NIBAN2: variants seen among roughly 807,000 people sequenced by gnomAD.
NIBAN2 encodes protein Niban 2.
Under a neutral mutation model 81.8 loss-of-function variants are expected in NIBAN2, and 36 were observed. The observed-to-expected ratio is 0.44, with a 90% CI of 0.34 to 0.58. NIBAN2 has a LOEUF of 0.58. Among genes scored for constraint, NIBAN2 ranks in the 20% least tolerant of loss-of-function variants. The pLI is 0.02. For synonymous variants in NIBAN2, 445 were observed against 441.6 expected (o/e 1.01, Z -0.10); for missense variants, 897 against 1,014.1 (o/e 0.88, Z 1.57).
intron 1 of NIBAN2, among the ~76,000 whole-genome samples, chr9:127,541,512 C>T (rs1837379039): frequency 2.0e-5 from 3 of 152,296 alleles, no homozygotes; most frequent in South Asian, 4.1e-4. Context: ...CTCACCCTGG[C>T]CTCCGCAGCA....
rs138238004 is a variant in NIBAN2 at position 127,512,806 on chromosome 9, A to G, written c.974-2473T>C. On this transcript the variant is annotated intron_variant, in intron 8 of 13. Transcript: ENST00000373312. ...AATGAGTACAACCACTATGGAGAAC[A>G]GTTTGGAGGTTCCTCAAAAAACTAA... Among the ~76,000 whole-genome samples, 261 of 152,304 alleles carry G rather than the reference A, an allele frequency of 1.7e-3. 2 individuals are homozygous for G. Among genetic ancestry groups the G allele is most frequent in the African/African-American group, 6.0e-3 (248 of 41,576 alleles).
intron 1 of NIBAN2, among the ~76,000 whole-genome samples, chr9:127,575,329 A>G (rs559137753): frequency 6.6e-6 from 1 of 151,236 alleles, no homozygotes; most frequent in African/African-American, 2.4e-5. Flanking sequence ...CCTGGGTTCA[A>G]GCAATTCTCT....
chr9:127,564,024 G>A (rs1837816739), intron 1 of NIBAN2, among the ~76,000 whole-genome samples: 1 of 151,692 alleles, frequency 6.6e-6, no homozygotes, highest in South Asian at 2.1e-4. Flanking sequence ...AGGGCATGGT[G>A]GCTCACGCCT....
intron 1 of NIBAN2, among the ~76,000 whole-genome samples, chr9:127,549,829 C>T (rs1319524300): frequency 1.3e-5 from 2 of 152,204 alleles, no homozygotes; most frequent in East Asian, 1.9e-4. Context: ...AGGTGCAGGG[C>T]TTGCCCCACC....
At position 127,508,915 on chromosome 9, in the gene NIBAN2, G is replaced by A. The variant is rs1373126034; in HGVS notation, c.1317+61C>T. 8.9e-6 allele frequency: 14 copies of A among 1,576,324 alleles called. 1 individual carries two copies. The highest frequency in any genetic ancestry group is 3.3e-5 in the South Asian group (3 of 90,180). ...ACGGAGCAGAAGGGACCCCCTGGGC[G>A]AGGGGGCCTGTGGAAGGCAGTGGAC... On this transcript the variant is annotated intron_variant, in intron 10 of 13. Transcript: ENST00000373312. The surrounding 1 kb of genome is among the most constrained non-coding windows in gnomAD (Gnocchi z 6.4).
At chr9:127,526,989 G>A (rs1316471157) in intron 3 of NIBAN2, among the ~76,000 whole-genome samples, 1 of 152,134 alleles carries the variant, frequency 6.6e-6, no homozygotes, top group East Asian at 1.9e-4. Context: ...ATATTCCCCA[G>A]AGATGAAGAA....
intron 1 of NIBAN2, chr9:127,561,206 G>T (rs2252730): frequency 0.51 from 500,586 of 984,976 alleles, 128,008 homozygotes; most frequent in African/African-American, 0.61. Context: ...ATACCCCAGG[G>T]GTCCAGGGCC....
At chr9:127,552,689 T>TG (rs111463503) in intron 1 of NIBAN2, among the ~76,000 whole-genome samples, 2,083 of 138,748 alleles carry the variant, frequency 0.015, 47 homozygotes, top group African/African-American at 0.052. Context: ...TATTCGTTTT[T>TG]TTTTTTTTTT....
intron 1 of NIBAN2, among the ~76,000 whole-genome samples, chr9:127,534,915 T>C (rs999809888): frequency 6.6e-6 from 1 of 152,152 alleles, no homozygotes; most frequent in African/African-American, 2.4e-5. Flanking sequence ...ATGGTTGTCA[T>C]CGTCATGGCC....
intron 1 of NIBAN2, among the ~76,000 whole-genome samples, chr9:127,539,266 C>A (rs777559335): frequency 6.6e-6 from 1 of 152,152 alleles, no homozygotes; most frequent in Non-Finnish European, 1.5e-5. Context: ...CAGAGCCCTA[C>A]CCCGCAAAGC....
Position 127,510,154 on chromosome 9 carries a change from G to A in NIBAN2, c.1153C>T (p.Leu385=). Reference sequence around the variant, plus strand: ...GGCGGTGCCGGCCTCACCTCGCCCAGCTTGTCAATGCCGCCCTCGTTGATG... The same window carrying A: ...GGCGGTGCCGGCCTCACCTCGCCCAACTTGTCAATGCCGCCCTCGTTGATG... ...NVINEGGIDK[L]GEYMEKLSRL... The change falls in exon 9 of 14, where the codon CTG becomes TTG. Residue 385 remains leucine, a synonymous_variant. Transcript: ENST00000373312. 1.9e-6 allele frequency: 3 copies of A among 1,611,204 alleles called. No homozygotes were observed. Among genetic ancestry groups the A allele is most frequent in the East Asian group, 4.5e-5 (2 of 44,792 alleles).
At chr9:127,538,632 A>C (rs202003207) in intron 1 of NIBAN2, among the ~76,000 whole-genome samples, 1 of 10,836 alleles carries the variant, frequency 9.2e-5, no homozygotes, top group Non-Finnish European at 4.1e-4. Flanking sequence ...ATCTCAAAGA[A>C]AAAAAAAAAA....
At chr9:127,578,856 C>CTA (rs1315555893) in intron 1 of NIBAN2, 6 of 1,534,460 alleles carry the variant, frequency 3.9e-6, no homozygotes, top group Non-Finnish European at 5.4e-6. Flanking sequence ...AACCTCCTCT[C>CTA]TAAACAAACA....
intron 1 of NIBAN2, among the ~76,000 whole-genome samples, chr9:127,555,500 G>A (rs370219227): frequency 1.2e-4 from 18 of 152,340 alleles, no homozygotes; most frequent in African/African-American, 3.6e-4. Context: ...GGCCAGCGGC[G>A]GACCCTGGGC....
chr9:127,553,399 C>T (rs1837612613), intron 1 of NIBAN2, among the ~76,000 whole-genome samples: 1 of 152,190 alleles, frequency 6.6e-6, no homozygotes, highest in Non-Finnish European at 1.5e-5. Flanking sequence ...GAGGCTCCTC[C>T]AGGAGGGAAG....
chr9:127,546,652 C>T (rs1420197964), intron 1 of NIBAN2, among the ~76,000 whole-genome samples: 2 of 152,162 alleles, frequency 1.3e-5, no homozygotes, highest in Admixed American at 1.3e-4. Context: ...CATCAGCCAG[C>T]GCGGGCCAAG....
chr9:127,511,810 T>G (rs982467369), intron 8 of NIBAN2, among the ~76,000 whole-genome samples: 4 of 152,110 alleles, frequency 2.6e-5, no homozygotes, highest in Non-Finnish European at 4.4e-5. Flanking sequence ...AACAGGCATA[T>G]GAAAGGTACT....
chr9:127,509,569 A>G (rs1048053681), intron 9 of NIBAN2, among the ~76,000 whole-genome samples: 2 of 152,146 alleles, frequency 1.3e-5, no homozygotes, highest in Non-Finnish European at 2.9e-5. Flanking sequence ...GGAGGAAACT[A>G]AGATACAGGA....
chr9:127,550,716 A>G lies in NIBAN2; in HGVS notation c.55+18104T>C, dbSNP rs756092047. On this transcript the variant is annotated intron_variant, in intron 1 of 13. Coordinates refer to ENST00000373312, the MANE Select transcript of NIBAN2 (RefSeq NM_022833.4). ...TATAAACCAGGGCCTCTCCAATCCC[A>G]GTATGGCCCAAGAGGCAGGACCCTT... 3.3e-4 allele frequency among the ~76,000 whole-genome samples: 51 copies of G among 152,304 alleles called. 1 individual carries two copies. Among genetic ancestry groups the G allele is most frequent in the Middle Eastern group, 3.4e-3 (1 of 294 alleles).
Sources: gnomAD v4.1 joint callset for allele counts (sites outside exome capture counted in the v4.1 genomes callset) on GRCh38, gnomAD v4.1.1 for gene constraint, Gnocchi (gnomAD v3.1) non-coding constraint, MANE v1.5 for transcripts, NCBI Gene and HGNC (gene_info 2026-07-23, HGNC 2026-07-21) for gene names.